The following SLC44A5 variants were observed in gnomAD, a reference collection of about 807,000 sequenced individuals.
The protein encoded by SLC44A5 is choline transporter-like protein 5.
SLC44A5 carries 57 observed loss-of-function variants against 101.8 expected under a neutral mutation model. The observed-to-expected ratio is 0.56, with a 90% CI of 0.45 to 0.70. The LOEUF is 0.70. SLC44A5 is among the 30% of genes least tolerant of loss of function. The pLI is 0.00. For synonymous variants in SLC44A5, 281 were observed against 290.9 expected, an observed-to-expected ratio of 0.97 and a Z score of 0.35; for missense variants, 737 against 853.1, an observed-to-expected ratio of 0.86 and a Z score of 1.70.
Position 75,537,033 on chromosome 1 carries a change from A to AAAAAATATATATATAT in SLC44A5, c.13+4401_13+4402insATATATATATATTTTT, listed in dbSNP as rs35829590. ...AAAAAAAAAAAAAAAAAAAAAAAAAAATATATATCTATGCCAAATGATTCT... is the reference window on the plus strand; with the variant it reads ...AAAAAAAAAAAAAAAAAAAAAAAAAAAAAAATATATATATATATATATATCTATGCCAAATGATTCT... On this transcript the variant is annotated intron_variant, in intron 2 of 23. Transcript: ENST00000370859. Among the ~76,000 whole-genome samples, 53 of 42,998 alleles carry AAAAAATATATATATAT rather than the reference A, an allele frequency of 1.2e-3. 3 individuals carry two copies. The highest frequency in any genetic ancestry group is 1.7e-3 in the East Asian group (2 of 1,180). 28.2% of individuals were successfully genotyped at this position (42,998 alleles called of 152,430 possible).
At chr1:75,347,977 G>C (rs1344809935) in intron 3 of SLC44A5, among the ~76,000 whole-genome samples, 2 of 152,112 alleles carry the variant, frequency 1.3e-5, no homozygotes, top group African/African-American at 4.8e-5. Context: ...ATTTGGAAGA[G>C]AGAGTGAAAG....
In SLC44A5 at chr1:75,564,873, C is replaced by T. The variant is rs1308944153; in HGVS notation, c.-69-23357G>A. Among the ~76,000 whole-genome samples the T allele has an allele frequency of 2.0e-5, 3 of 152,140 alleles. No individual in the cohort carries two copies. The East Asian group carries it at 5.8e-4, about 29-fold the overall frequency. ...TCCTGACCTCATGATCCACCCACCT[C>T]GGCCTCCCAAAATGCTGGGATTACA... On this transcript the variant is annotated intron_variant, in intron 1 of 23. Transcript: ENST00000370859.
intron 2 of SLC44A5, among the ~76,000 whole-genome samples, chr1:75,437,087 T>C (rs1320563100): frequency 6.6e-6 from 1 of 152,112 alleles, no homozygotes; most frequent in Non-Finnish European, 1.5e-5. Context: ...TGTTTTACAG[T>C]TTACTTTTTT....
chr1:75,266,241 G>C (rs114786645), intron 6 of SLC44A5, among the ~76,000 whole-genome samples: 2 of 151,552 alleles, frequency 1.3e-5, no homozygotes, highest in Non-Finnish European at 2.9e-5. Flanking sequence ...AAGTCTAACA[G>C]GTAAGTTTCC....
chr1:75,495,469 A>T (rs1668623649), intron 2 of SLC44A5, among the ~76,000 whole-genome samples: 3 of 152,046 alleles, frequency 2.0e-5, no homozygotes, highest in Admixed American at 6.6e-5. Flanking sequence ...AAACAAAGAA[A>T]CAAACAAAAA....
chr1:75,488,029 T>C (rs1283976633), intron 2 of SLC44A5, among the ~76,000 whole-genome samples: 1 of 152,240 alleles, frequency 6.6e-6, no homozygotes, highest in East Asian at 1.9e-4. Flanking sequence ...ATCTACGTTG[T>C]ATGCTTCTTA....
intron 6 of SLC44A5, among the ~76,000 whole-genome samples, chr1:75,265,120 C>T (rs2100707133): frequency 6.6e-6 from 1 of 152,190 alleles, no homozygotes; most frequent in Non-Finnish European, 1.5e-5. Flanking sequence ...TACAAAGTTT[C>T]CAAACAAAGA....
chr1:75,629,233 A>C, the SLC44A5 span, among the ~76,000 whole-genome samples: 2 of 152,066 alleles, frequency 1.3e-5, no homozygotes, highest in Admixed American at 1.3e-4. Context: ...AAGAGAGAGG[A>C]GCTTGGGAGG....
chr1:75,613,868 T>C (rs1307577417), upstream of SLC44A5, among the ~76,000 whole-genome samples: 3 of 151,816 alleles, frequency 2.0e-5, no homozygotes, highest in Admixed American at 6.6e-5. Flanking sequence ...AAAGGGGAGG[T>C]GTCTTTTTCA....
At chr1:75,384,454 CAAAG>C (rs1401253347) in intron 3 of SLC44A5, among the ~76,000 whole-genome samples, 1 of 132,336 alleles carries the variant, frequency 7.6e-6, no homozygotes, top group Admixed American at 8.1e-5. Flanking sequence ...TCAAAAGAGA[CAAAG>C]AAGGCCATTA....
intron 4 of SLC44A5, among the ~76,000 whole-genome samples, chr1:75,306,781 C>T (rs774297169): frequency 2.4e-4 from 30 of 127,396 alleles, no homozygotes; most frequent in Non-Finnish European, 4.3e-4. Context: ...GTGGCCCAGG[C>T]GGGAGTGCAG....
chr1:75,704,589 T>C, the SLC44A5 span, among the ~76,000 whole-genome samples: 1 of 152,214 alleles, frequency 6.6e-6, no homozygotes, highest in African/African-American at 2.4e-5. Context: ...TTCAATGCTG[T>C]TGTGAATAAT....
chr1:75,264,029 A>G (rs1650771898), intron 6 of SLC44A5, among the ~76,000 whole-genome samples: 4 of 151,788 alleles, frequency 2.6e-5, no homozygotes, highest in Admixed American at 2.6e-4. Flanking sequence ...TACCTAGTGT[A>G]GACGACAGGT....
At chr1:75,444,287 A>G (rs1270320845) in intron 2 of SLC44A5, among the ~76,000 whole-genome samples, 2 of 144,650 alleles carry the variant, frequency 1.4e-5, no homozygotes, top group Admixed American at 6.9e-5. Flanking sequence ...ACTGCACTCT[A>G]GCATGAGTGA....
chr1:75,578,506 G>A lies in SLC44A5; in HGVS notation c.-70+32534C>T, dbSNP rs188595285. 1.8e-3 allele frequency among the ~76,000 whole-genome samples: 272 copies of A among 152,274 alleles called. 1 individual carries two copies. The highest frequency in any genetic ancestry group is 6.0e-3 in the African/African-American group (251 of 41,564). ...AAGGAAATCCTAATAAAACTGAAGT[G>A]CAGTGTGCTAAGTGAAGTAAGCCCA... On this transcript the variant is annotated intron_variant, in intron 1 of 23. Coordinates refer to ENST00000370859, the MANE Select transcript of SLC44A5 (RefSeq NM_001130058.2).
the SLC44A5 span, among the ~76,000 whole-genome samples, chr1:75,651,747 C>G: frequency 6.6e-6 from 1 of 151,322 alleles, no homozygotes; most frequent in African/African-American, 2.4e-5. Flanking sequence ...CTTGGCCAGC[C>G]ACATTACTGA....
intron 2 of SLC44A5, among the ~76,000 whole-genome samples, chr1:75,471,267 C>G (rs1667093172): frequency 6.6e-6 from 1 of 151,964 alleles, no homozygotes; most frequent in Non-Finnish European, 1.5e-5. Flanking sequence ...TGAAGGGAAT[C>G]CCCAGGATGG....
At chr1:75,484,223 C>T (rs769575734) in intron 2 of SLC44A5, among the ~76,000 whole-genome samples, 27 of 152,258 alleles carry the variant, frequency 1.8e-4, no homozygotes, top group Admixed American at 4.6e-4. Flanking sequence ...TGAGACAAGG[C>T]AAGTCCCTTC....
chr1:75,718,451 T>C, the SLC44A5 span, among the ~76,000 whole-genome samples: 1 of 152,170 alleles, frequency 6.6e-6, no homozygotes, highest in African/African-American at 2.4e-5. Flanking sequence ...ATTTCTGCCT[T>C]GGAATGGGAC....
Sources: allele counts gnomAD v4.1 joint callset (sites outside exome capture counted in the v4.1 genomes callset), GRCh38; gene constraint gnomAD v4.1.1; transcripts MANE v1.5; gene names NCBI Gene and HGNC (gene_info 2026-07-23, HGNC 2026-07-21).